Variants in B3GALT1 observed in about 807,000 individuals in gnomAD.
The protein encoded by B3GALT1 is UDP-Gal:betaGlcNAc beta 1,3-galactosyltransferase, polypeptide 1.
A neutral mutation model predicts 23.2 loss-of-function variants in B3GALT1; 10 were observed. That is an observed-to-expected ratio of 0.43 (90% CI 0.27 to 0.73). The LOEUF (loss-of-function observed/expected upper bound fraction) is 0.73, where lower values mean the gene tolerates loss of function less well. Among genes scored for constraint, B3GALT1 ranks in the 30% least tolerant of loss-of-function variants. B3GALT1 has a pLI of 0.21. For missense variants in B3GALT1, 299 were observed against 405.4 expected, an observed-to-expected ratio of 0.74 and a Z score of 2.25; for synonymous variants, 156 against 141.5, an observed-to-expected ratio of 1.10 and a Z score of -0.73.
intron 2 of B3GALT1, among the ~76,000 whole-genome samples, chr2:167,541,667 A>G (rs1416267564): frequency 4.6e-5 from 7 of 150,918 alleles, no homozygotes; most frequent in Admixed American, 2.0e-4. Context: ...CCAGCTGAAC[A>G]TTTACTGGGG....
intron 3 of B3GALT1, among the ~76,000 whole-genome samples, chr2:167,663,380 T>A (rs1254987197): frequency 6.6e-6 from 1 of 151,540 alleles, no homozygotes; most frequent in Non-Finnish European, 1.5e-5. Context: ...TTTGGGTTGG[T>A]TCCAAGTCTT....
At chr2:167,341,330 T>C (rs1423698613) in intron 1 of B3GALT1, among the ~76,000 whole-genome samples, 1 of 152,150 alleles carries the variant, frequency 6.6e-6, no homozygotes, top group Non-Finnish European at 1.5e-5. Flanking sequence ...TGTTTGCCAT[T>C]TATTTAGAAG....
At chr2:167,309,766 T>C (rs1696610452) in intron 1 of B3GALT1, among the ~76,000 whole-genome samples, 1 of 152,116 alleles carries the variant, frequency 6.6e-6, no homozygotes, top group Admixed American at 6.6e-5. Context: ...AATAATATGG[T>C]ACTTTCATTT....
chr2:167,308,343 G>C (rs1330908794), intron 1 of B3GALT1, among the ~76,000 whole-genome samples: 1 of 151,890 alleles, frequency 6.6e-6, no homozygotes, highest in East Asian at 1.9e-4. Flanking sequence ...TACTAGAAAG[G>C]AGATGTCAAC....
At chr2:167,613,272 T>C (rs945164376) in intron 2 of B3GALT1, among the ~76,000 whole-genome samples, 13 of 152,016 alleles carry the variant, frequency 8.6e-5, no homozygotes, top group African/African-American at 2.2e-4. Flanking sequence ...ATGTATATAC[T>C]ACAGAAATGC....
At chr2:167,304,468 T>A (rs947849460) in intron 1 of B3GALT1, among the ~76,000 whole-genome samples, 1 of 152,150 alleles carries the variant, frequency 6.6e-6, no homozygotes, top group African/African-American at 2.4e-5. Flanking sequence ...CCAATAAATC[T>A]AATCAGATTA....
At chr2:167,531,995 G>T (rs780769760) in intron 2 of B3GALT1, among the ~76,000 whole-genome samples, 9 of 152,078 alleles carry the variant, frequency 5.9e-5, no homozygotes, top group Non-Finnish European at 1.3e-4. Context: ...AGTAGTGGTT[G>T]TTTTGGTCCC....
intron 1 of B3GALT1, among the ~76,000 whole-genome samples, chr2:167,380,715 G>A (rs1697836789): frequency 6.6e-6 from 1 of 152,158 alleles, no homozygotes. Context: ...TTGTTCCAGG[G>A]CGTGGGAGAA....
intron 2 of B3GALT1, among the ~76,000 whole-genome samples, chr2:167,622,178 C>T (rs554135050): frequency 1.2e-4 from 19 of 152,070 alleles, no homozygotes; most frequent in Non-Finnish European, 2.5e-4. Context: ...TCACCAGCCC[C>T]AGTAGTTTGG....
At chr2:167,755,885 A>G (rs925507369) in intron 3 of B3GALT1, among the ~76,000 whole-genome samples, 6 of 151,984 alleles carry the variant, frequency 3.9e-5, no homozygotes, top group African/African-American at 1.4e-4. Flanking sequence ...TGAGGCAGGA[A>G]TATCATTAGA....
rs138447969 is a variant in B3GALT1, at chr2:167,522,885, A to T, written c.-410+32608A>T. ...ACCTGTGCCTATAGATTCCTATAGGATGTACAGTAAAAGCATTCTAAAGCA... is the reference window on the plus strand; with the variant it reads ...ACCTGTGCCTATAGATTCCTATAGGTTGTACAGTAAAAGCATTCTAAAGCA... On this transcript the variant is annotated intron_variant, in intron 2 of 4. Transcript: ENST00000392690. 7.6e-3 allele frequency among the ~76,000 whole-genome samples: 1,156 copies of T among 152,236 alleles called. 5 individuals are homozygous for T. The highest frequency in any genetic ancestry group is 0.01 in the Non-Finnish European group (713 of 68,010).
chr2:167,595,121 C>T (rs1684754388), intron 2 of B3GALT1, among the ~76,000 whole-genome samples: 1 of 151,966 alleles, frequency 6.6e-6, no homozygotes, highest in Non-Finnish European at 1.5e-5. Context: ...GAAGTTGAGC[C>T]TACAGGAGAG....
intron 1 of B3GALT1, among the ~76,000 whole-genome samples, chr2:167,447,941 A>G (rs999053195): frequency 5.9e-5 from 9 of 152,122 alleles, no homozygotes; most frequent in African/African-American, 1.9e-4. Context: ...TGCGTCGCTC[A>G]TACTGGGAGC....
At chr2:167,481,976 A>G (rs370775402) in intron 1 of B3GALT1, among the ~76,000 whole-genome samples, 7 of 152,206 alleles carry the variant, frequency 4.6e-5, no homozygotes, top group Admixed American at 4.6e-4. Context: ...CAGAAAAACA[A>G]TGTATTTCTT....
chr2:167,597,759 G>C (rs1361455307), intron 2 of B3GALT1, among the ~76,000 whole-genome samples: 1 of 152,164 alleles, frequency 6.6e-6, no homozygotes, highest in African/African-American at 2.4e-5. Context: ...TGTAGATGTA[G>C]ATATAGATGT....
intron 3 of B3GALT1, among the ~76,000 whole-genome samples, 198 bp downstream of exon 3, chr2:167,647,164 A>G (rs868283452): frequency 6.6e-6 from 1 of 152,220 alleles, no homozygotes; most frequent in Non-Finnish European, 1.5e-5. Flanking sequence ...GGAAGTGGCC[A>G]TGTTCCCCAT....
chr2:167,856,466 G>T (rs1311025726), intron 4 of B3GALT1, among the ~76,000 whole-genome samples: 1 of 152,130 alleles, frequency 6.6e-6, no homozygotes, highest in African/African-American at 2.4e-5. Context: ...TGATGAGACT[G>T]GAAGGAGGGA....
In B3GALT1 at chr2:167,869,971, T is replaced by C; in HGVS notation, c.932T>C (p.Met311Thr). The part of the protein sequence containing the change: ...ITVHQISPEE[M>T]HRIWNDMSSK... ...GTGCATCAGATCTCTCCAGAAGAAA[T>C]GCACAGAATCTGGAATGACATGTCA... The change falls in exon 5 of 5, where the codon ATG becomes ACG. Residue 311 changes from methionine (M) to threonine (T), a missense_variant. This residue lies in a region of B3GALT1 where 133 missense variants were observed against 204.8 expected (regional missense o/e 0.65). Coordinates refer to ENST00000392690, the MANE Select transcript of B3GALT1 (RefSeq NM_020981.4). This position sits in a 1 kb window ranked among gnomAD's most constrained non-coding sequence, Gnocchi z 6.4. 8 of 1,611,162 alleles carry C rather than the reference T, an allele frequency of 5.0e-6. No individual in the cohort carries two copies. Among genetic ancestry groups the C allele is most frequent in the East Asian group, 2.2e-5 (1 of 44,798 alleles).
chr2:167,709,626 A>G (rs1378215461), intron 3 of B3GALT1, among the ~76,000 whole-genome samples: 6 of 152,204 alleles, frequency 3.9e-5, no homozygotes, highest in Non-Finnish European at 8.8e-5. Flanking sequence ...CAAAAGGCAT[A>G]GTGATAGTTG....
Sources: allele counts gnomAD v4.1 joint callset (sites outside exome capture counted in the v4.1 genomes callset), GRCh38; gene constraint gnomAD v4.1.1; regional missense constraint gnomAD v4.1.1; non-coding constraint Gnocchi (gnomAD v3.1); transcripts MANE v1.5; gene names NCBI Gene and HGNC (gene_info 2026-07-23, HGNC 2026-07-21).